The following SLC1A2 variants were observed in gnomAD, a reference collection of about 807,000 sequenced individuals.
SLC1A2 encodes the protein solute carrier family 1 member 2, also known as excitatory amino acid transporter 2.
In SLC1A2, 15 loss-of-function variants were observed where a neutral mutation model predicts 48.8. The observed-to-expected ratio is 0.31, with a 90% CI of 0.21 to 0.47. SLC1A2 has a LOEUF of 0.47. Among genes scored for constraint, SLC1A2 ranks in the 20% least tolerant of loss-of-function variants. The pLI is 0.99. For missense variants in SLC1A2, 502 were observed against 730.5 expected (o/e 0.69, Z 3.61); for synonymous variants, 279 against 272.6 (o/e 1.02, Z -0.23).
chr11:35,281,615 G>T (rs1850635678), intron 8 of SLC1A2, among the ~76,000 whole-genome samples: 1 of 152,164 alleles, frequency 6.6e-6, no homozygotes, highest in Non-Finnish European at 1.5e-5. Flanking sequence ...GGGATGCCAA[G>T]AAATGATAAT....
In SLC1A2 at chr11:35,260,879, C is replaced by A. The variant is rs1178214568; in HGVS notation, c.*15G>T. 2 of 1,589,146 alleles carry A rather than the reference C, an allele frequency of 1.3e-6. No individual in the cohort carries two copies. Among genetic ancestry groups the A allele is most frequent in the Non-Finnish European group, 1.7e-6 (2 of 1,157,296 alleles). On this transcript the variant is annotated 3_prime_UTR_variant, in exon 11 of 11. Transcript: ENST00000278379. ...GCTGGGGAGTTTATTCAAGAATTTG[C>A]TGAGACTCATATCCTTATTTCTCAC... is the stretch of plus-strand genomic sequence containing the variant.
chr11:35,376,817 T>G (rs1286859028), intron 1 of SLC1A2, among the ~76,000 whole-genome samples: 1 of 152,222 alleles, frequency 6.6e-6, no homozygotes, highest in Non-Finnish European at 1.5e-5. Context: ...AAGATATGAA[T>G]CTATCATCTC....
intron 1 of SLC1A2, among the ~76,000 whole-genome samples, chr11:35,334,423 G>A (rs1852543383): frequency 6.6e-6 from 1 of 152,158 alleles, no homozygotes; most frequent in Non-Finnish European, 1.5e-5. Context: ...AGCAGGTAGG[G>A]AGTGATTTAA....
rs141078816 is a variant in SLC1A2 at position 35,296,089 on chromosome 11, C to T, written c.858-3569G>A. On this transcript the variant is annotated intron_variant, in intron 6 of 10. Transcript: ENST00000278379. ...AAAATCTTAACTGCAACTGATGAAACGCAGATATTACTTGGTGACCTTCTG... is the reference window on the plus strand; with the variant it reads ...AAAATCTTAACTGCAACTGATGAAATGCAGATATTACTTGGTGACCTTCTG... Among the ~76,000 whole-genome samples, 474 of 152,324 alleles carry T rather than the reference C, an allele frequency of 3.1e-3. 3 individuals are homozygous for T. Among genetic ancestry groups the T allele is most frequent in the African/African-American group, 8.6e-3 (357 of 41,568 alleles).
intron 1 of SLC1A2, among the ~76,000 whole-genome samples, chr11:35,386,545 G>C (rs1854590364): frequency 6.6e-6 from 1 of 152,084 alleles, no homozygotes; most frequent in Admixed American, 6.5e-5. Flanking sequence ...GAAATCAAAA[G>C]AACATCAATT....
intron 6 of SLC1A2, among the ~76,000 whole-genome samples, chr11:35,297,022 T>C (rs1851196709): frequency 6.6e-6 from 1 of 152,028 alleles, no homozygotes; most frequent in Non-Finnish European, 1.5e-5. Flanking sequence ...CAGAATAGAA[T>C]ATTTATTGAA....
intron 9 of SLC1A2, among the ~76,000 whole-genome samples, chr11:35,271,475 A>C (rs913349926): frequency 6.6e-6 from 1 of 152,234 alleles, no homozygotes; most frequent in African/African-American, 2.4e-5. Context: ...AGCCTGCAAA[A>C]GTTAAAGGAA....
intron 7 of SLC1A2, among the ~76,000 whole-genome samples, chr11:35,290,787 T>G (rs1422977978): frequency 6.6e-6 from 1 of 151,846 alleles, no homozygotes; most frequent in Non-Finnish European, 1.5e-5. Context: ...GGAAAATTTA[T>G]AAATCAAGAA....
intron 1 of SLC1A2, among the ~76,000 whole-genome samples, chr11:35,412,953 T>C (rs1855508296): frequency 6.7e-6 from 1 of 150,036 alleles, no homozygotes; most frequent in East Asian, 2.0e-4. Flanking sequence ...AGACCAAAGT[T>C]AAAGAAAATA....
intron 9 of SLC1A2, among the ~76,000 whole-genome samples, chr11:35,266,497 C>T (rs1950487450): frequency 6.6e-6 from 1 of 152,108 alleles, no homozygotes; most frequent in South Asian, 2.1e-4. Flanking sequence ...TCCTTCTCCC[C>T]GTCTTGAGTT....
chr11:35,263,837 A>G (rs1950436080), intron 10 of SLC1A2: 2 of 152,222 alleles, frequency 1.3e-5, no homozygotes, highest in South Asian at 4.1e-4. Context: ...TAAATACTGG[A>G]TGAATAATCA....
Position 35,271,870 on chromosome 11 carries a change from A to G in SLC1A2, c.1422-6112T>C, listed in dbSNP as rs183068549. Among the ~76,000 whole-genome samples the G allele has an allele frequency of 7.2e-5, 11 of 152,320 alleles. No homozygotes were observed. The East Asian group carries it at 2.1e-3, about 29-fold the overall frequency. ...AAAAGAAGATTCTTTTGGTTTTAAC[A>G]ACAAAGAGGTCACTATTGGCCTGGC... On this transcript the variant is annotated intron_variant, in intron 9 of 10. Coordinates refer to ENST00000278379, the MANE Select transcript of SLC1A2 (RefSeq NM_004171.4).
chr11:35,394,219 G>T lies in SLC1A2; in HGVS notation c.17+24731C>A, dbSNP rs143692475. Among the ~76,000 whole-genome samples, 845 of 152,060 alleles carry T rather than the reference G, an allele frequency of 5.6e-3. 8 individuals carry two copies. Among genetic ancestry groups the T allele is most frequent in the African/African-American group, 0.019 (786 of 41,492 alleles). ...GTTTTCTCATGATGTTGCAGCAAAG[G>T]CCTGAGGTCCACACTCTGTCTCCCA... On this transcript the variant is annotated intron_variant, in intron 1 of 10. Transcript: ENST00000278379.
chr11:35,405,870 C>A (rs895736353), intron 1 of SLC1A2, among the ~76,000 whole-genome samples: 1 of 152,130 alleles, frequency 6.6e-6, no homozygotes, highest in African/African-American at 2.4e-5. Flanking sequence ...TGACCATGAC[C>A]CAACAAGCAA....
At chr11:35,315,255 A>G in intron 2 of SLC1A2, 80 bp from the exon 3 acceptor site, 7 of 1,030,670 alleles carry the variant, frequency 6.8e-6, no homozygotes, top group Non-Finnish European at 1.0e-5. Flanking sequence ...TTTCAGCAAC[A>G]TTGACCTTTC....
At chr11:35,275,305 T>C (rs1264152484) in intron 9 of SLC1A2, among the ~76,000 whole-genome samples, 1 of 152,238 alleles carries the variant, frequency 6.6e-6, no homozygotes, top group South Asian at 2.1e-4. Context: ...AATTAGGCCA[T>C]AGGTCCACTC....
rs191138430 is a variant in SLC1A2, at chr11:35,265,347, C to T, written c.1653+180G>A. 2.1e-3 allele frequency: 1,186 copies of T among 570,092 alleles called. 2 individuals carry two copies. The highest frequency in any genetic ancestry group is 2.9e-3 in the Non-Finnish European group (927 of 325,062). The allele number at this position is 570,092 out of a possible 1,614,324, so 35.3% of individuals were successfully genotyped here. On this transcript the variant is annotated intron_variant, in intron 10 of 10. Coordinates refer to ENST00000278379, the MANE Select transcript of SLC1A2 (RefSeq NM_004171.4). ...CTTTCTCCATCAGACTTGTTGATTT[C>T]CTGCCATGTTAGACACAGAATTAGA...
intron 1 of SLC1A2, among the ~76,000 whole-genome samples, chr11:35,356,426 G>A (rs746857922): frequency 3.9e-5 from 6 of 152,224 alleles, no homozygotes; most frequent in African/African-American, 4.8e-5. Flanking sequence ...CTGGCCATGC[G>A]TTATGGCAGT....
At chr11:35,407,679 G>A (rs1199693054) in intron 1 of SLC1A2, among the ~76,000 whole-genome samples, 1 of 152,190 alleles carries the variant, frequency 6.6e-6, no homozygotes, top group Non-Finnish European at 1.5e-5. Flanking sequence ...CTAATCCAAT[G>A]AGTACTTTTC....
Sources: gnomAD v4.1 joint callset for allele counts (sites outside exome capture counted in the v4.1 genomes callset) on GRCh38, gnomAD v4.1.1 for gene constraint, MANE v1.5 for transcripts, NCBI Gene and HGNC (gene_info 2026-07-23, HGNC 2026-07-21) for gene names.